ZNF423: variants seen among roughly 807,000 people sequenced by gnomAD.
The protein encoded by ZNF423 is zinc finger protein 423, also known as Ebf-associated zinc finger protein.
Under a neutral mutation model 95.8 loss-of-function variants are expected in ZNF423, and 12 were observed. The observed-to-expected ratio is 0.13, with a 90% confidence interval of 0.08 to 0.20. ZNF423 has a LOEUF of 0.20. Among genes scored for constraint, ZNF423 ranks in the 10% least tolerant of loss-of-function variants. ZNF423 has a pLI of 1.00. For missense variants in ZNF423, 1,316 were observed against 1,737.1 expected (o/e 0.76, Z 4.31); for synonymous variants, 749 against 711.9 (o/e 1.05, Z -0.83).
chr16:49,557,004 TCTGA>T (rs1207091690), intron 5 of ZNF423, among the ~76,000 whole-genome samples: 1 of 152,190 alleles, frequency 6.6e-6, no homozygotes, highest in Non-Finnish European at 1.5e-5. Context: ...GTCTCTCATA[TCTGA>T]CTGTTTTCAG....
chr16:49,619,135 C>T (rs987342401), intron 5 of ZNF423, among the ~76,000 whole-genome samples: 3 of 152,194 alleles, frequency 2.0e-5, no homozygotes, highest in African/African-American at 7.2e-5. Flanking sequence ...GGTGTAACCT[C>T]TTCCAGGAAG....
At chr16:49,673,180 G>C (rs966606984) in intron 3 of ZNF423, among the ~76,000 whole-genome samples, 3 of 152,214 alleles carry the variant, frequency 2.0e-5, no homozygotes, top group Non-Finnish European at 4.4e-5. Flanking sequence ...ACATGCTGCA[G>C]GTAAATCCCA....
At chr16:49,589,973 A>G (rs1387722191) in intron 5 of ZNF423, among the ~76,000 whole-genome samples, 1 of 148,874 alleles carries the variant, frequency 6.7e-6, no homozygotes, top group East Asian at 2.1e-4. Context: ...AATTCCAACG[A>G]GTCTTGAGTC....
At chr16:49,692,807 A>T (rs1459671658) in intron 3 of ZNF423, among the ~76,000 whole-genome samples, 1 of 152,242 alleles carries the variant, frequency 6.6e-6, no homozygotes, top group African/African-American at 2.4e-5. Context: ...AGAAGACAAT[A>T]TTGTCTCTAG....
chr16:49,657,358 C>T (rs2029930953), intron 3 of ZNF423, among the ~76,000 whole-genome samples: 1 of 152,230 alleles, frequency 6.6e-6, no homozygotes, highest in African/African-American at 2.4e-5. Context: ...CTCCAGGAGA[C>T]AGTCATGAGC....
chr16:49,645,546 G>A (rs1480390394), intron 3 of ZNF423, among the ~76,000 whole-genome samples: 1 of 152,176 alleles, frequency 6.6e-6, no homozygotes, highest in African/African-American at 2.4e-5. Flanking sequence ...AATGCTAGAT[G>A]CTTTTCAGGT....
At chr16:49,558,137 G>A (rs978539584) in intron 5 of ZNF423, among the ~76,000 whole-genome samples, 1 of 152,236 alleles carries the variant, frequency 6.6e-6, no homozygotes. Context: ...GAACCTGGTG[G>A]TTAACTCTCC....
intron 5 of ZNF423, among the ~76,000 whole-genome samples, chr16:49,623,717 C>G (rs941922168): frequency 6.6e-6 from 1 of 152,212 alleles, no homozygotes; most frequent in African/African-American, 2.4e-5. Flanking sequence ...CCCACAGCCC[C>G]CACCTGCTCT....
intron 5 of ZNF423, among the ~76,000 whole-genome samples, chr16:49,590,174 G>A (rs1043054798): frequency 4.6e-5 from 7 of 151,716 alleles, no homozygotes; most frequent in African/African-American, 1.7e-4. Context: ...CCAGGCAGCA[G>A]CCCTGATGAA....
intron 5 of ZNF423, among the ~76,000 whole-genome samples, chr16:49,604,621 C>CT (rs1052963748): frequency 9.9e-5 from 15 of 152,156 alleles, no homozygotes; most frequent in African/African-American, 3.6e-4. Flanking sequence ...AAGAGCTCAG[C>CT]TTTTTTGAGG....
chr16:49,549,136 G>A (rs1969541000), intron 5 of ZNF423, among the ~76,000 whole-genome samples: 1 of 152,200 alleles, frequency 6.6e-6, no homozygotes, highest in Admixed American at 6.5e-5. Flanking sequence ...ATGCTCAGAT[G>A]GTGGCAGATC....
chr16:49,551,117 G>A (rs1969618201), intron 5 of ZNF423, among the ~76,000 whole-genome samples: 1 of 152,216 alleles, frequency 6.6e-6, no homozygotes. Context: ...GCCCCCCACG[G>A]AAGGCCCTCA....
At chr16:49,647,108 A>G (rs539170514) in intron 3 of ZNF423, among the ~76,000 whole-genome samples, 1 of 152,216 alleles carries the variant, frequency 6.6e-6, no homozygotes, top group Non-Finnish European at 1.5e-5. Flanking sequence ...TCCAAGGCCC[A>G]TATCCCTGCT....
At chr16:49,829,810 G>C (rs1426115238) in intron 1 of ZNF423, among the ~76,000 whole-genome samples, 1 of 152,162 alleles carries the variant, frequency 6.6e-6, no homozygotes, top group Non-Finnish European at 1.5e-5. Flanking sequence ...CTCCAGTGGA[G>C]AGGAGGACAG....
intron 5 of ZNF423, among the ~76,000 whole-genome samples, chr16:49,594,925 C>T (rs1324677877): frequency 1.3e-5 from 2 of 152,216 alleles, no homozygotes; most frequent in Admixed American, 6.5e-5. Context: ...GAGGCTGGTT[C>T]TTACAAAACT....
intron 3 of ZNF423, among the ~76,000 whole-genome samples, chr16:49,692,288 G>A (rs1481516263): frequency 3.3e-5 from 5 of 152,018 alleles, no homozygotes; most frequent in Non-Finnish European, 5.9e-5. Context: ...CTTGACATAT[G>A]AGGACTTCTT....
At chr16:49,548,626 G>C (rs1275614132) in intron 5 of ZNF423, among the ~76,000 whole-genome samples, 1 of 152,226 alleles carries the variant, frequency 6.6e-6, no homozygotes, top group Non-Finnish European at 1.5e-5. Flanking sequence ...GAAAGAGAAG[G>C]GGAGAGAGAC....
chr16:49,676,049 C>T (rs920384837), intron 3 of ZNF423, among the ~76,000 whole-genome samples: 1 of 152,216 alleles, frequency 6.6e-6, no homozygotes, highest in Non-Finnish European at 1.5e-5. Context: ...GCTTTTTGGG[C>T]CTTCCAGCTC....
Position 49,603,612 on chromosome 16 carries a change from G to T in ZNF423, c.3601+22558C>A, listed in dbSNP as rs1031891576. On this transcript the variant is annotated intron_variant, in intron 5 of 7. Transcript: ENST00000563137. This position sits in a 1 kb window ranked among gnomAD's most constrained non-coding sequence, Gnocchi z 4.1. ...TTTAGTAGAGACGCGGTTTCACCAT[G>T]TTGGCCAGGCTGGTCTCGAACTCCT... Among the ~76,000 whole-genome samples the T allele has an allele frequency of 2.0e-5, 3 of 152,172 alleles. No individual in the cohort carries two copies. The highest frequency in any genetic ancestry group is 7.2e-5 in the African/African-American group (3 of 41,426).
Sources: gnomAD v4.1 joint callset for allele counts (sites outside exome capture counted in the v4.1 genomes callset) on GRCh38, gnomAD v4.1.1 for gene constraint, Gnocchi (gnomAD v3.1) non-coding constraint, MANE v1.5 for transcripts, NCBI Gene and HGNC (gene_info 2026-07-23, HGNC 2026-07-21) for gene names.